Variants in ZNF445 observed in about 807,000 individuals in gnomAD.
The protein encoded by ZNF445 is zinc finger protein 445.
ZNF445 carries 19 observed loss-of-function variants against 93.9 expected under a neutral mutation model. That is an observed-to-expected ratio of 0.20 (90% CI 0.14 to 0.30). ZNF445 has a LOEUF of 0.30. Among genes scored for constraint, ZNF445 ranks in the 10% least tolerant of loss-of-function variants. The pLI, the probability that ZNF445 is intolerant of heterozygous loss-of-function variation, is 1.00. For missense variants in ZNF445, 1,058 were observed against 1,259.4 expected (o/e 0.84, Z 2.42); for synonymous variants, 449 against 446.3 (o/e 1.01, Z -0.08).
In ZNF445 at chr3:44,473,622, A is replaced by AAACAAC. The variant is rs10649222; in HGVS notation, c.-269+3963_-269+3968dup. ...TACTATACTATTCTCCAATTAAAAC[A>AAACAAC]AACAACAACAACAACAAACAGGGAT... On this transcript the variant is annotated intron_variant, in intron 1 of 7. Transcript: ENST00000396077. 3.1e-3 allele frequency among the ~76,000 whole-genome samples: 472 copies of AAACAAC among 151,884 alleles called. 3 individuals carry two copies. Among genetic ancestry groups the AAACAAC allele is most frequent in the South Asian group, 0.012 (58 of 4,812 alleles).
chr3:44,449,723 A>C lies in ZNF445; in HGVS notation c.821-100T>G. ...AAGTCCTGGTGGGAAGGTGGGAAAG[A>C]CCAGGAAGGCAGGCAGCAGAAGCTA... On this transcript the variant is annotated intron_variant, in intron 6 of 7. Coordinates refer to ENST00000396077, the MANE Select transcript of ZNF445 (RefSeq NM_181489.6). 6 of 930,770 alleles carry C rather than the reference A, an allele frequency of 6.4e-6. No homozygotes were observed. The South Asian group carries it at 6.9e-5, about 11-fold the overall frequency. 57.7% of individuals were successfully genotyped at this position (930,770 alleles called of 1,614,324 possible).
At chr3:44,450,386 A>G in intron 6 of ZNF445, 61 bp downstream of exon 6, 1 of 1,611,328 alleles carries the variant, frequency 6.2e-7, no homozygotes, top group Non-Finnish European at 8.5e-7. Context: ...TATGCAGCAC[A>G]GAACAACCCA....
Position 44,436,595 on chromosome 3 carries a change from C to G in ZNF445, c.*9980G>C, listed in dbSNP as rs1043060662. 3 of 152,130 alleles carry G rather than the reference C, an allele frequency of 2.0e-5. No individual in the cohort carries two copies. The highest frequency in any genetic ancestry group is 6.5e-5 in the Admixed American group (1 of 15,280). The allele number at this position is 152,130 out of a possible 1,614,324, so 9.4% of individuals were successfully genotyped here. A position where few individuals can be genotyped will look rare whatever the true frequency, so the allele number is the denominator to read the frequency against. On this transcript the variant is annotated 3_prime_UTR_variant, in exon 8 of 8. Transcript: ENST00000396077. ...CATATCTTCCTCTACAGTATACCAA[C>G]GAAGTTCTCGCATTTCAACTCATTC...
At chr3:44,477,527 C>G (rs934788252) in intron 1 of ZNF445, 64 bp downstream of exon 1, 6 of 152,384 alleles carry the variant, frequency 3.9e-5, no homozygotes, top group African/African-American at 1.4e-4. Flanking sequence ...ATGCCGCGGA[C>G]TTCGGGGAGC....
intron 3 of ZNF445, among the ~76,000 whole-genome samples, chr3:44,452,606 A>T (rs961391524): frequency 1.3e-5 from 2 of 152,218 alleles, no homozygotes; most frequent in East Asian, 1.9e-4. Flanking sequence ...ATGGATTTTT[A>T]AAATTACATC....
rs1399895721 is a variant in ZNF445 at position 44,434,331 on chromosome 3, T to G, written c.*12244A>C. On this transcript the variant is annotated 3_prime_UTR_variant, in exon 8 of 8. Coordinates refer to ENST00000396077, the MANE Select transcript of ZNF445 (RefSeq NM_181489.6). The stretch of plus-strand genomic sequence containing the variant: ...CAGGCTGAGGAAGCAGCTTCACTTG[T>G]ACCCAGGAGGTGCAGGTTGCAGTGA... 1 of 151,474 alleles carries G rather than the reference T, an allele frequency of 6.6e-6. No homozygotes were observed. Among genetic ancestry groups the G allele is most frequent in the Non-Finnish European group, 1.5e-5 (1 of 67,924 alleles). 9.4% of individuals were successfully genotyped at this position (151,474 alleles called of 1,614,324 possible).
chr3:44,471,106 T>C (rs1007275332), intron 1 of ZNF445, among the ~76,000 whole-genome samples: 2 of 152,086 alleles, frequency 1.3e-5, no homozygotes, highest in African/African-American at 2.4e-5. Flanking sequence ...ATACAAGCAG[T>C]GCTGCCATTA....
chr3:44,476,441 G>T (rs765391152), intron 1 of ZNF445, among the ~76,000 whole-genome samples: 28 of 151,396 alleles, frequency 1.8e-4, no homozygotes, highest in Admixed American at 1.4e-3. Flanking sequence ...TAATTCTTTG[G>T]TCCCTGAATA....
chr3:44,447,391 C>T lies in ZNF445; in HGVS notation c.2280G>A (p.Glu760=), dbSNP rs774538555. 3.7e-6 allele frequency: 6 copies of T among 1,614,190 alleles called. No individual in the cohort carries two copies. The highest frequency in any genetic ancestry group is 2.5e-6 in the Non-Finnish European group (3 of 1,180,028). ...QVPQSSHSKE[E]PYKCSQCGKA... ...TGCCACACTGGCTGCATTTGTAGGGCTCCTCTTTGGAGTGACTGCTCTGAG... is the reference window on the plus strand; with the variant it reads ...TGCCACACTGGCTGCATTTGTAGGGTTCCTCTTTGGAGTGACTGCTCTGAG... The change falls in exon 8 of 8, where the codon GAG becomes GAA. Residue 760 remains glutamate (E), a synonymous_variant. Transcript: ENST00000396077. This position sits in a 1 kb window ranked among gnomAD's most constrained non-coding sequence, Gnocchi z 4.7.
chr3:44,460,218 G>A (rs1698092313), intron 1 of ZNF445, among the ~76,000 whole-genome samples: 1 of 152,166 alleles, frequency 6.6e-6, no homozygotes, highest in Admixed American at 6.5e-5. Context: ...GACAGCGAAA[G>A]AGATCTAACT....
At chr3:44,461,544 A>C (rs1223749823) in intron 1 of ZNF445, among the ~76,000 whole-genome samples, 2 of 152,186 alleles carry the variant, frequency 1.3e-5, no homozygotes, top group Admixed American at 6.5e-5. Flanking sequence ...AAGAAGACTC[A>C]ACGCTCAACA....
chr3:44,464,081 G>A (rs1007837047), intron 1 of ZNF445, among the ~76,000 whole-genome samples: 11 of 152,164 alleles, frequency 7.2e-5, no homozygotes, highest in East Asian at 5.8e-4. Context: ...AGCTGACATC[G>A]TACCATTGCA....
chr3:44,474,655 G>C (rs554063363), intron 1 of ZNF445, among the ~76,000 whole-genome samples: 66 of 152,284 alleles, frequency 4.3e-4, no homozygotes, highest in African/African-American at 1.4e-3. Context: ...TTCTAGATTG[G>C]AGCCTACAAC....
rs1697557451 is a variant in ZNF445, at chr3:44,431,908, A to G, written c.*14667T>C. 6.6e-6 allele frequency: 1 copy of G among 150,990 alleles called. No individual in the cohort carries two copies. Among genetic ancestry groups the G allele is most frequent in the Non-Finnish European group, 1.5e-5 (1 of 68,022 alleles). The allele number at this position is 150,990 out of a possible 1,614,324, so 9.4% of individuals were successfully genotyped here. On this transcript the variant is annotated 3_prime_UTR_variant, in exon 8 of 8. Coordinates refer to ENST00000396077, the MANE Select transcript of ZNF445 (RefSeq NM_181489.6). ...TGAATATATCTGAAGATTATATGAA[A>G]TTTATTTTTTATTTTTTATTTTTTT...
At chr3:44,474,662 C>T (rs954256730) in intron 1 of ZNF445, among the ~76,000 whole-genome samples, 6 of 152,102 alleles carry the variant, frequency 3.9e-5, no homozygotes, top group African/African-American at 1.4e-4. Flanking sequence ...TTGGAGCCTA[C>T]AACAGAAAAA....
intron 1 of ZNF445, among the ~76,000 whole-genome samples, chr3:44,465,065 TAAAA>T (rs34412481): frequency 7.1e-5 from 8 of 113,348 alleles, no homozygotes; most frequent in Admixed American, 1.9e-4. Context: ...AGACTCCGCC[TAAAA>T]AAAAAAAAAA....
Position 44,447,730 on chromosome 3 carries a change from A to G in ZNF445, c.1941T>C (p.His647=). The part of the protein sequence containing the change: ...RSNFTRHMRL[H]EEEKFYKQDE... ...CTTGTTTGTAGAATTTTTCCTCCTC[A>G]TGCAACCTCATATGACGAGTAAAGT... is the stretch of plus-strand genomic sequence containing the variant. The change falls in exon 8 of 8, where the codon CAT becomes CAC. Residue 647 remains histidine, a synonymous_variant. Coordinates refer to ENST00000396077, the MANE Select transcript of ZNF445 (RefSeq NM_181489.6). This position sits in a 1 kb window ranked among gnomAD's most constrained non-coding sequence, Gnocchi z 4.7. 1.2e-6 allele frequency: 2 copies of G among 1,614,162 alleles called. No individual in the cohort carries two copies. The highest frequency in any genetic ancestry group is 2.2e-5 in the East Asian group (1 of 44,876).
In ZNF445 at chr3:44,447,926, G is replaced by A; in HGVS notation, c.1745C>T (p.Ser582Leu). 6.2e-7 allele frequency: 1 copy of A among 1,613,628 alleles called. No individual in the cohort carries two copies. Among genetic ancestry groups the A allele is most frequent in the South Asian group, 1.1e-5 (1 of 91,068 alleles). ...GTCTCCCAAATGATGATCAAACCCT[G>A]AGCTGTAGGTGAGAGCTGCCCTATA... is the stretch of plus-strand genomic sequence containing the variant. The part of the protein sequence containing the change: ...NQYRAALTYS[S>L]GFDHHLGDQS... The change falls in exon 8 of 8, where the codon TCA (serine) becomes TTA (leucine). Residue 582 changes from serine to leucine, a missense_variant. Ser to Leu is a moderately radical substitution (Grantham distance 145). This residue lies in a region of ZNF445 where 657 missense variants were observed against 746.4 expected (regional missense o/e 0.88). Transcript: ENST00000396077. The surrounding 1 kb of genome is among the most constrained non-coding windows in gnomAD (Gnocchi z 4.7).
Position 44,455,241 on chromosome 3 carries a change from G to A in ZNF445, c.309C>T (p.Phe103=), listed in dbSNP as rs2125680792. 1.2e-6 allele frequency: 2 copies of A among 1,614,222 alleles called. No homozygotes were observed. The highest frequency in any genetic ancestry group is 1.7e-6 in the Non-Finnish European group (2 of 1,180,024). The change falls in exon 3 of 8, where the codon TTC becomes TTT. Residue 103 remains phenylalanine (F), a synonymous_variant. Transcript: ENST00000396077. ...QILELLVLEQ[F]LSILPGELRV... is the part of the protein sequence containing the mutation. ...GGAGCTCCCCAGGCAGGATGCTCAG[G>A]AACTGTTCCAGCACCAGCAGCTCTA...
Sources: gnomAD v4.1 joint callset for allele counts (sites outside exome capture counted in the v4.1 genomes callset) on GRCh38, gnomAD v4.1.1 for gene constraint, gnomAD v4.1.1 regional missense constraint, Gnocchi (gnomAD v3.1) non-coding constraint, MANE v1.5 for transcripts, NCBI Gene and HGNC (gene_info 2026-07-23, HGNC 2026-07-21) for gene names.